Variants in YES1 observed in about 807,000 individuals in gnomAD.
YES1 encodes the protein YES proto-oncogene 1, Src family tyrosine kinase.
Under a neutral mutation model 70.4 loss-of-function variants are expected in YES1, and 39 were observed. That is an observed-to-expected ratio of 0.55 (90% CI 0.43 to 0.72). The LOEUF (loss-of-function observed/expected upper bound fraction) is 0.72. Among genes scored for constraint, YES1 ranks in the 30% least tolerant of loss-of-function variants. The probability of loss-of-function intolerance (pLI) is 0.00; values close to 1 mark genes in which losing one functional copy is unlikely to be tolerated. For missense variants in YES1, 495 were observed against 644.8 expected (o/e 0.77, Z 2.52); for synonymous variants, 198 against 218.6 (o/e 0.91, Z 0.83).
At chr18:733,030 A>G in intron 10 of YES1, 65 bp from the exon 11 acceptor site, 1 of 1,516,014 alleles carries the variant, frequency 6.6e-7, no homozygotes, top group East Asian at 2.3e-5. Flanking sequence ...AACATAGCAT[A>G]TGCAGGGCTA....
rs1215306652 is a variant in YES1, at chr18:747,961, C to A, written c.429G>T (p.Pro143=). The change falls in exon 4 of 12, where the codon CCG becomes CCT. Residue 143 remains proline, a synonymous_variant. Coordinates refer to ENST00000314574, the MANE Select transcript of YES1 (RefSeq NM_005433.4). The stretch of plus-strand genomic sequence containing the variant: ...AATCTGCAGGCGCTACATAATTGCT[C>A]GGGATATAACCATTCTTTCCTGTAG... ...SIATGKNGYI[P]SNYVAPADSI... The A allele has an allele frequency of 2.0e-5, 32 of 1,613,808 alleles. No individual in the cohort carries two copies. Among genetic ancestry groups the A allele is most frequent in the Non-Finnish European group, 2.4e-5 (28 of 1,179,968 alleles).
intron 1 of YES1, among the ~76,000 whole-genome samples, chr18:793,413 T>C (rs973116606): frequency 2.6e-5 from 4 of 152,182 alleles, no homozygotes; most frequent in African/African-American, 9.7e-5. Flanking sequence ...CATCGCTCAC[T>C]ACAGCTTCGA....
chr18:738,305 C>T (rs1032517224), intron 9 of YES1: 4 of 152,016 alleles, frequency 2.6e-5, no homozygotes, highest in African/African-American at 9.7e-5. Flanking sequence ...ACAGTTTTCA[C>T]TATATATTTA....
chr18:765,374 G>C (rs1417111059), intron 1 of YES1, among the ~76,000 whole-genome samples: 6 of 141,256 alleles, frequency 4.2e-5, no homozygotes, highest in Non-Finnish European at 9.3e-5. Context: ...AATTATTTTT[G>C]TTTGAAGTAT....
chr18:759,717 TTTA>T lies in YES1; in HGVS notation c.-8-2885_-8-2883del, dbSNP rs557552611. On this transcript the variant is annotated intron_variant, in intron 1 of 11. Coordinates refer to ENST00000314574, the MANE Select transcript of YES1 (RefSeq NM_005433.4). ...ACAATTTATTTATTTCTTTTTTTCT[TTTA>T]TTATTATTATACTCTAAGGTTGTAG... is the stretch of plus-strand genomic sequence containing the variant. Among the ~76,000 whole-genome samples the T allele has an allele frequency of 2.3e-3, 347 of 152,156 alleles. 2 individuals are homozygous for T. The highest frequency in any genetic ancestry group is 7.9e-3 in the African/African-American group (329 of 41,500).
chr18:803,577 C>G (rs4085842), intron 1 of YES1, among the ~76,000 whole-genome samples: 65,839 of 152,066 alleles, frequency 0.43, 15,801 homozygotes, highest in African/African-American at 0.64. Context: ...GTTTCACTGC[C>G]ACTAGCAAGC....
chr18:761,658 A>G (rs1904601532), intron 1 of YES1, among the ~76,000 whole-genome samples: 1 of 152,094 alleles, frequency 6.6e-6, no homozygotes, highest in Non-Finnish European at 1.5e-5. Context: ...CATTTTCTTA[A>G]TCCAGAGTAT....
intron 1 of YES1, among the ~76,000 whole-genome samples, chr18:765,833 T>G (rs1048426464): frequency 6.6e-6 from 1 of 152,168 alleles, no homozygotes; most frequent in Non-Finnish European, 1.5e-5. Context: ...AGCTGATTAG[T>G]AATTTGGAGC....
At chr18:779,603 G>C (rs1173591247) in intron 1 of YES1, among the ~76,000 whole-genome samples, 1 of 152,132 alleles carries the variant, frequency 6.6e-6, no homozygotes, top group African/African-American at 2.4e-5. Flanking sequence ...ATTAAAGGCA[G>C]TTTGTTGGCA....
At chr18:754,045 T>C (rs1236058450) in intron 2 of YES1, among the ~76,000 whole-genome samples, 1 of 152,200 alleles carries the variant, frequency 6.6e-6, no homozygotes, top group Non-Finnish European at 1.5e-5. Context: ...GGTGGACTAC[T>C]GAGAGTGCCA....
Position 721,981 on chromosome 18 carries a change from T to C in YES1, c.*2443A>G, listed in dbSNP as rs908619178. ...GTTGTTTTTCTTGGCAATTTAAAAA[T>C]ACAGAACAATTTAAAATGAATACAC... On this transcript the variant is annotated 3_prime_UTR_variant, in exon 12 of 12. Coordinates refer to ENST00000314574, the MANE Select transcript of YES1 (RefSeq NM_005433.4). The C allele has an allele frequency of 3.4e-5, 5 of 147,260 alleles. No individual in the cohort carries two copies. Among genetic ancestry groups the C allele is most frequent in the Non-Finnish European group, 3.0e-5 (2 of 67,022 alleles). 9.1% of individuals were successfully genotyped at this position (147,260 alleles called of 1,614,324 possible).
chr18:777,462 T>G (rs1183918410), intron 1 of YES1, among the ~76,000 whole-genome samples: 1 of 152,220 alleles, frequency 6.6e-6, no homozygotes, highest in Non-Finnish European at 1.5e-5. Flanking sequence ...ATCAACTCCA[T>G]AAGTCATATG....
Position 787,080 on chromosome 18 carries a change from C to CTTTTTTTT in YES1, c.-9+25026_-9+25033dup, listed in dbSNP as rs71174290. Among the ~76,000 whole-genome samples the CTTTTTTTT allele has an allele frequency of 7.2e-4, 25 of 34,760 alleles. 2 individuals carry two copies. The highest frequency in any genetic ancestry group is 1.1e-3 in the African/African-American group (10 of 8,802). 22.8% of individuals were successfully genotyped at this position (34,760 alleles called of 152,430 possible). ...TTTAAAAAACTGTGATACATACTGT[C>CTTTTTTTT]TTTTTTTTTTTTTTTTTTTTTTTTT... On this transcript the variant is annotated intron_variant, in intron 1 of 11. Coordinates refer to ENST00000314574, the MANE Select transcript of YES1 (RefSeq NM_005433.4).
At chr18:793,705 A>G (rs755788076) in intron 1 of YES1, among the ~76,000 whole-genome samples, 16 of 152,226 alleles carry the variant, frequency 1.1e-4, no homozygotes, top group African/African-American at 2.2e-4. Context: ...ATTTCTATAG[A>G]GCAGCTACAA....
chr18:773,837 CCT>C (rs1491375332), intron 1 of YES1, among the ~76,000 whole-genome samples: 5 of 128,886 alleles, frequency 3.9e-5, no homozygotes, highest in Non-Finnish European at 8.0e-5. Context: ...AACACTTTTC[CCT>C]TTTTTTTTTT....
intron 1 of YES1, among the ~76,000 whole-genome samples, chr18:794,559 G>A (rs991148881): frequency 5.3e-5 from 8 of 152,048 alleles, no homozygotes; most frequent in Non-Finnish European, 1.0e-4. Flanking sequence ...TAGGGCTGCT[G>A]TAGAAAAAAA....
intron 1 of YES1, among the ~76,000 whole-genome samples, chr18:799,913 A>C (rs1383946413): frequency 1.3e-5 from 2 of 150,698 alleles, no homozygotes; most frequent in East Asian, 1.9e-4. Flanking sequence ...CAAAAAACAA[A>C]AAAAAAAGAA....
intron 1 of YES1, among the ~76,000 whole-genome samples, chr18:792,742 C>G (rs1906333431): frequency 6.6e-6 from 1 of 151,808 alleles, no homozygotes; most frequent in Admixed American, 6.6e-5. Flanking sequence ...GGGAGGATTG[C>G]TTGAGGCCAG....
intron 1 of YES1, among the ~76,000 whole-genome samples, chr18:794,187 T>C (rs990040309): frequency 8.5e-5 from 13 of 152,238 alleles, no homozygotes; most frequent in South Asian, 4.1e-4. Flanking sequence ...AATAGTAGGA[T>C]AGACTAACAC....
Sources: allele counts gnomAD v4.1 joint callset (sites outside exome capture counted in the v4.1 genomes callset), GRCh38; gene constraint gnomAD v4.1.1; transcripts MANE v1.5; gene names NCBI Gene and HGNC (gene_info 2026-07-23, HGNC 2026-07-21).